MAEA: variants seen among roughly 807,000 people sequenced by gnomAD.
MAEA encodes E3 ubiquitin-protein transferase MAEA.
In MAEA, 22 loss-of-function variants were observed where a neutral mutation model predicts 46.2. That is an observed-to-expected ratio of 0.48 (90% CI 0.34 to 0.68). MAEA has a LOEUF of 0.68. Among genes scored for constraint, MAEA ranks in the 30% least tolerant of loss-of-function variants. MAEA has a pLI of 0.01. For missense variants in MAEA, 393 were observed against 558.1 expected, an observed-to-expected ratio of 0.70 and a Z score of 2.98; for synonymous variants, 246 against 222.6, an observed-to-expected ratio of 1.11 and a Z score of -0.94.
At chr4:1,319,132 T>C (rs28660352) in intron 3 of MAEA, among the ~76,000 whole-genome samples, 110,729 of 152,144 alleles carry the variant, frequency 0.73, 41,557 homozygotes, top group African/African-American at 0.92. Flanking sequence ...CGAGCGGATC[T>C]GTTGAGCCCA....
intron 5 of MAEA, chr4:1,329,283 C>T (rs1448405046): frequency 1.2e-5 from 12 of 982,798 alleles, no homozygotes; most frequent in East Asian, 1.1e-4. Context: ...CCCCGCTCCG[C>T]GTAGGGTCTC....
Position 1,322,947 on chromosome 4 carries a change from T to C in MAEA, c.579+444T>C, listed in dbSNP as rs1447334446. Among the ~76,000 whole-genome samples, 6 of 120,748 alleles carry C rather than the reference T, an allele frequency of 5.0e-5. No individual in the cohort carries two copies. In the South Asian group the frequency reaches 1.4e-3, roughly 28 times the overall value. The allele number at this position is 120,748 out of a possible 152,430, so 79.2% of individuals were successfully genotyped here. On this transcript the variant is annotated intron_variant, in intron 4 of 8. Transcript: ENST00000303400. ...GATATTGTTAATGAATACCCACTTT[T>C]TTTTTTTTTTTTTTTTTTTTTTTTT...
intron 3 of MAEA, among the ~76,000 whole-genome samples, chr4:1,320,467 GA>G (rs1425109686): frequency 1.3e-5 from 2 of 150,816 alleles, no homozygotes; most frequent in African/African-American, 4.9e-5. Flanking sequence ...AAAACGCTAT[GA>G]AGGGGCTTCA....
chr4:1,300,915 T>C (rs1287953713), intron 1 of MAEA, among the ~76,000 whole-genome samples: 1 of 152,180 alleles, frequency 6.6e-6, no homozygotes, highest in Non-Finnish European at 1.5e-5. Context: ...GTGCTGTGCT[T>C]GGGGAGATTA....
In MAEA at chr4:1,327,500, G is replaced by A. The variant is rs561444284; in HGVS notation, c.580-127G>A. Reference sequence around the variant, plus strand: ...CTTCAGCCTCAGCCCTGCCTTCCCCGTGCCTGTGAGAGAGGGGTTCAGAGC... The same window carrying A: ...CTTCAGCCTCAGCCCTGCCTTCCCCATGCCTGTGAGAGAGGGGTTCAGAGC... On this transcript the variant is annotated intron_variant, in intron 4 of 8. Coordinates refer to ENST00000303400, the MANE Select transcript of MAEA (RefSeq NM_001017405.3). 266 of 747,140 alleles carry A rather than the reference G, an allele frequency of 3.6e-4. 1 individual carries two copies. In the African/African-American group the frequency reaches 4.1e-3, roughly 12 times the overall value. 46.3% of individuals were successfully genotyped at this position (747,140 alleles called of 1,614,324 possible). A position where few individuals can be genotyped will look rare whatever the true frequency, so the allele number is the denominator to read the frequency against.
chr4:1,315,561 C>T lies in MAEA; in HGVS notation c.417C>T (p.Tyr139=), dbSNP rs1737015732. The change falls in exon 3 of 9, where the codon TAC becomes TAT. Residue 139 remains tyrosine (Y), a synonymous_variant. Transcript: ENST00000303400. Reference sequence around the variant, plus strand: ...AGCACCTGCTGCGTTGCGGCTACTACAACACGGCTGTCAAGCTGGCGCGCC... The same window carrying T: ...AGCACCTGCTGCGTTGCGGCTACTATAACACGGCTGTCAAGCTGGCGCGCC... ...MVEHLLRCGY[Y]NTAVKLARQS... The T allele has an allele frequency of 6.2e-7, 1 of 1,613,552 alleles. No individual in the cohort carries two copies. The highest frequency in any genetic ancestry group is 8.5e-7 in the Non-Finnish European group (1 of 1,179,914).
At chr4:1,326,759 G>A (rs552395612) in intron 4 of MAEA, among the ~76,000 whole-genome samples, 3 of 152,120 alleles carry the variant, frequency 2.0e-5, no homozygotes, top group Non-Finnish European at 4.4e-5. Context: ...TAGGACCTCA[G>A]TGTCCCCTGG....
At chr4:1,326,848 G>A (rs746985235) in intron 4 of MAEA, among the ~76,000 whole-genome samples, 6 of 152,204 alleles carry the variant, frequency 3.9e-5, no homozygotes, top group Non-Finnish European at 7.4e-5. Flanking sequence ...TTCTCGCCAG[G>A]TGTCTGTGCG....
At chr4:1,314,817 G>A (rs986550530) in intron 2 of MAEA, among the ~76,000 whole-genome samples, 1 of 152,232 alleles carries the variant, frequency 6.6e-6, no homozygotes, top group African/African-American at 2.4e-5. Context: ...AAAATTGGTA[G>A]AATGTGCTGA....
Position 1,289,946 on chromosome 4 carries a change from C to A in MAEA, c.33C>A (p.Ser11=). Residue 11 remains serine (S), a synonymous_variant, in exon 1 of 9, where the codon TCC becomes TCA. Transcript: ENST00000303400. MAVQESAAQL[S]MTLKVQEYPT... ...TGCAGGAGTCGGCGGCTCAGTTGTC[C>A]ATGACCCTGAAGGTCCAGGAGTACC... 6.2e-7 allele frequency: 1 copy of A among 1,602,488 alleles called. No individual in the cohort carries two copies. Among genetic ancestry groups the A allele is most frequent in the Non-Finnish European group, 8.5e-7 (1 of 1,174,304 alleles).
Position 1,327,672 on chromosome 4 carries a change from A to C in MAEA, c.625A>C (p.Ile209Leu). The C allele has an allele frequency of 1.2e-6, 2 of 1,613,980 alleles. No homozygotes were observed. Among genetic ancestry groups the C allele is most frequent in the Non-Finnish European group, 1.7e-6 (2 of 1,180,006 alleles). The change falls in exon 5 of 9, where the codon ATC becomes CTC. Residue 209 changes from isoleucine to leucine, a missense_variant. Ile to Leu is a conservative substitution (Grantham distance 5, BLOSUM62 2). Around this residue, in one of 2 missense-constraint regions of MAEA, gnomAD observed 358 missense variants for 537.9 expected, o/e 0.67. Coordinates refer to ENST00000303400, the MANE Select transcript of MAEA (RefSeq NM_001017405.3). ...SLRIQEFIEL[I>L]RQNKRLDAVR... ...CAGAATCCAGGAGTTCATTGAACTC[A>C]TCCGGCAGAATAAGAGACTGGACGC... is the stretch of plus-strand genomic sequence containing the variant.
rs750362014 is a variant in MAEA at position 1,309,692 on chromosome 4, T to G, written c.70-2287T>G. On this transcript the variant is annotated intron_variant, in intron 1 of 8. Coordinates refer to ENST00000303400, the MANE Select transcript of MAEA (RefSeq NM_001017405.3). The stretch of plus-strand genomic sequence containing the variant: ...TGGCAGGGAGGTGGGGTCTTCCAGT[T>G]GTGAAGACACCGTGGCCCCGGTGAG... 5 of 1,530,468 alleles carry G rather than the reference T, an allele frequency of 3.3e-6. No homozygotes were observed. In the South Asian group the frequency reaches 4.8e-5, roughly 15 times the overall value. The allele number at this position is 1,530,468 out of a possible 1,614,324, so 94.8% of individuals were successfully genotyped here.
chr4:1,318,285 G>C (rs1035761885), intron 3 of MAEA, among the ~76,000 whole-genome samples: 1 of 152,238 alleles, frequency 6.6e-6, no homozygotes, highest in Non-Finnish European at 1.5e-5. Context: ...TGAAGCATGA[G>C]CTGTGGGTGC....
intron 5 of MAEA, chr4:1,329,762 G>T (rs914746203): frequency 5.1e-6 from 5 of 985,480 alleles, no homozygotes; most frequent in Non-Finnish European, 4.8e-6. Context: ...GTGTTTGGCT[G>T]GGAGCCCAGA....
intron 1 of MAEA, among the ~76,000 whole-genome samples, chr4:1,294,434 A>C (rs1420272110): frequency 6.6e-6 from 1 of 152,268 alleles, no homozygotes; most frequent in Admixed American, 6.5e-5. Context: ...TTTCAAGTCA[A>C]GAAAGTGCTT....
At chr4:1,305,132 T>G (rs1735707385) in intron 1 of MAEA, among the ~76,000 whole-genome samples, 1 of 152,260 alleles carries the variant, frequency 6.6e-6, no homozygotes, top group Non-Finnish European at 1.5e-5. Flanking sequence ...TTTTCATTTT[T>G]TTTTTGGTGG....
In MAEA at chr4:1,328,549, C is replaced by T. The variant is rs975628987; in HGVS notation, c.656+846C>T. 2.0e-5 allele frequency: 22 copies of T among 1,079,052 alleles called. 1 individual carries two copies. Among genetic ancestry groups the T allele is most frequent in the Middle Eastern group, 2.9e-4 (1 of 3,506 alleles). 66.8% of individuals were successfully genotyped at this position (1,079,052 alleles called of 1,614,324 possible). On this transcript the variant is annotated intron_variant, in intron 5 of 8. Coordinates refer to ENST00000303400, the MANE Select transcript of MAEA (RefSeq NM_001017405.3). The stretch of plus-strand genomic sequence containing the variant: ...GCCTGGCTGGCCCTCAGCTCCCGGG[C>T]GAGTGCCCAGCAGGTGTGTTTGCCA...
chr4:1,320,395 C>T (rs1176627817), intron 3 of MAEA, among the ~76,000 whole-genome samples: 1 of 130,610 alleles, frequency 7.7e-6, no homozygotes, highest in Non-Finnish European at 1.6e-5. Context: ...AAAGAATCAT[C>T]AACATGCAGG....
In MAEA at chr4:1,334,105, C is replaced by CGT. The variant is rs371796335; in HGVS notation, c.765+1242_765+1243dup. ...ACCCCTGCACCCATCCCATGCCTAC[C>CGT]GTGCTCACCCCCATGCCCACCCCAT... On this transcript the variant is annotated intron_variant, in intron 6 of 8. Coordinates refer to ENST00000303400, the MANE Select transcript of MAEA (RefSeq NM_001017405.3). Among the ~76,000 whole-genome samples the CGT allele has an allele frequency of 3.8e-4, 7 of 18,546 alleles. 2 individuals carry two copies. The highest frequency in any genetic ancestry group is 2.2e-3 in the South Asian group (1 of 454). 12.2% of individuals were successfully genotyped at this position (18,546 alleles called of 152,430 possible).
Sources: allele counts gnomAD v4.1 joint callset (sites outside exome capture counted in the v4.1 genomes callset), GRCh38; gene constraint gnomAD v4.1.1; regional missense constraint gnomAD v4.1.1; transcripts MANE v1.5; gene names NCBI Gene and HGNC (gene_info 2026-07-23, HGNC 2026-07-21).